Variants in PAX5 observed in about 807,000 individuals in gnomAD.
The protein encoded by PAX5 is paired box protein Pax-5.
PAX5 carries 9 observed loss-of-function variants against 43.7 expected under a neutral mutation model. That is an observed-to-expected ratio of 0.21 (90% CI 0.12 to 0.36). PAX5 has a LOEUF of 0.36. Ranked by LOEUF, PAX5 falls within the 10% of genes least tolerant of loss-of-function variation. The probability of loss-of-function intolerance (pLI) is 1.00; values close to 1 mark genes in which losing one functional copy is unlikely to be tolerated. For synonymous variants in PAX5, 228 were observed against 214.3 expected (o/e 1.06, Z -0.56); for missense variants, 383 against 532.7 (o/e 0.72, Z 2.77).
intron 6 of PAX5, among the ~76,000 whole-genome samples, chr9:36,944,849 A>G (rs1438425046): frequency 6.6e-6 from 1 of 152,240 alleles, no homozygotes; most frequent in East Asian, 1.9e-4. Flanking sequence ...CATAAATTAA[A>G]TGTTCTCCAA....
At position 37,015,289 on chromosome 9, in the gene PAX5, G is replaced by T; in HGVS notation, c.213-95C>A. The stretch of plus-strand genomic sequence containing the variant: ...GGCTACTCTGGCCAGGAAACGTCCG[G>T]ATCTGCACGTTCCAATACAGTAGCC... On this transcript the variant is annotated intron_variant, in intron 2 of 9. Transcript: ENST00000358127. The surrounding 1 kb of genome is among the most constrained non-coding windows in gnomAD (Gnocchi z 4.4). The T allele has an allele frequency of 9.4e-7, 1 of 1,066,996 alleles. No individual in the cohort carries two copies. Among genetic ancestry groups the T allele is most frequent in the Non-Finnish European group, 1.4e-6 (1 of 701,832 alleles). The allele number at this position is 1,066,996 out of a possible 1,614,324, so 66.1% of individuals were successfully genotyped here.
At chr9:36,890,946 C>T (rs1325890687) in intron 7 of PAX5, among the ~76,000 whole-genome samples, 1 of 152,168 alleles carries the variant, frequency 6.6e-6, no homozygotes, top group Non-Finnish European at 1.5e-5. Context: ...TGAGACCAGC[C>T]TGTACAACAT....
chr9:36,981,546 C>T (rs984370008), intron 5 of PAX5, among the ~76,000 whole-genome samples: 3 of 152,096 alleles, frequency 2.0e-5, no homozygotes, highest in Non-Finnish European at 4.4e-5. Flanking sequence ...CTGATGCTCC[C>T]CTTCCATGCC....
intron 5 of PAX5, among the ~76,000 whole-genome samples, chr9:36,986,766 G>T (rs1176084222): frequency 6.6e-6 from 1 of 152,178 alleles, no homozygotes; most frequent in Admixed American, 6.5e-5. Context: ...CCTCTCTGCC[G>T]AGCTGTATTC....
At chr9:36,862,164 CT>C (rs947061227) in intron 8 of PAX5, among the ~76,000 whole-genome samples, 13 of 152,100 alleles carry the variant, frequency 8.5e-5, no homozygotes, top group African/African-American at 2.9e-4. Context: ...CTCGCTAAGC[CT>C]GTCACAAAAG....
At chr9:36,989,648 C>T (rs1836760005) in intron 5 of PAX5, among the ~76,000 whole-genome samples, 1 of 152,172 alleles carries the variant, frequency 6.6e-6, no homozygotes, top group Non-Finnish European at 1.5e-5. Context: ...TGCATGTGTG[C>T]ATGTAGATCA....
At chr9:36,965,457 G>A (rs532327432) in intron 6 of PAX5, among the ~76,000 whole-genome samples, 3 of 152,344 alleles carry the variant, frequency 2.0e-5, no homozygotes, top group African/African-American at 7.2e-5. Context: ...TAGAAGGTCT[G>A]TAAGAGCTCT....
At chr9:37,004,316 C>G (rs952099230) in intron 4 of PAX5, among the ~76,000 whole-genome samples, 1 of 152,252 alleles carries the variant, frequency 6.6e-6, no homozygotes, top group African/African-American at 2.4e-5. Context: ...TCCAGCTGTA[C>G]AGCTGAATTG....
chr9:36,872,668 T>C (rs989597099), intron 8 of PAX5, among the ~76,000 whole-genome samples: 4 of 152,182 alleles, frequency 2.6e-5, no homozygotes, highest in Non-Finnish European at 5.9e-5. Flanking sequence ...TACATGTGTG[T>C]ATCAGTTTCT....
intron 5 of PAX5, among the ~76,000 whole-genome samples, chr9:36,970,805 C>G (rs944929766): frequency 1.3e-5 from 2 of 152,178 alleles, no homozygotes; most frequent in Non-Finnish European, 2.9e-5. Flanking sequence ...AGCTGGTCCT[C>G]CAGCTCCCAT....
rs550204727 is a variant in PAX5 at position 36,840,731 on chromosome 9, G to A, written c.1100-95C>T. On this transcript the variant is annotated intron_variant, in intron 9 of 9. Transcript: ENST00000358127. The stretch of plus-strand genomic sequence containing the variant: ...GTCCTTTCCTCCCCTCACTCAGTCC[G>A]GGCCACCATCCTCTCTCACCAAGAT... 41 of 741,734 alleles carry A rather than the reference G, an allele frequency of 5.5e-5. No homozygotes were observed. The Middle Eastern group carries it at 9.5e-4, about 17-fold the overall frequency. The allele number at this position is 741,734 out of a possible 1,614,324, so 45.9% of individuals were successfully genotyped here. A position where few individuals can be genotyped will look rare whatever the true frequency, so the allele number is the denominator to read the frequency against.
chr9:37,000,424 G>A (rs1393843367), intron 5 of PAX5, among the ~76,000 whole-genome samples: 1 of 152,108 alleles, frequency 6.6e-6, no homozygotes, highest in African/African-American at 2.4e-5. Context: ...TGAGGATCAG[G>A]ACTCTACCAT....
chr9:36,921,540 G>A (rs1353283074), intron 7 of PAX5, among the ~76,000 whole-genome samples: 2 of 152,164 alleles, frequency 1.3e-5, no homozygotes, highest in African/African-American at 2.4e-5. Context: ...CCACTCAACT[G>A]CCCCAAGCCT....
chr9:36,890,533 CTCTGGGCCTTGGTT>C lies in PAX5; in HGVS notation c.911-8442_911-8429del, dbSNP rs542132099. On this transcript the variant is annotated intron_variant, in intron 7 of 9. Coordinates refer to ENST00000358127, the MANE Select transcript of PAX5 (RefSeq NM_016734.3). ...TGACCTCAGGTAAACTTCACCCCCTCTCTGGGCCTTGGTTTCTGGGCCTTGGTTATCTGAATACT... is the reference window on the plus strand; with the variant it reads ...TGACCTCAGGTAAACTTCACCCCCTCTCTGGGCCTTGGTTATCTGAATACT... 1.3e-4 allele frequency among the ~76,000 whole-genome samples: 20 copies of C among 152,328 alleles called. No homozygotes were observed. In the South Asian group the frequency reaches 4.1e-3, roughly 32 times the overall value.
At chr9:36,996,783 G>C (rs1588175921) in intron 5 of PAX5, among the ~76,000 whole-genome samples, 2 of 152,214 alleles carry the variant, frequency 1.3e-5, no homozygotes, top group African/African-American at 4.8e-5. Flanking sequence ...GGCTGAGGGG[G>C]CGTCCAGCCT....
chr9:36,907,250 T>C (rs1335994179), intron 7 of PAX5, among the ~76,000 whole-genome samples: 2 of 152,244 alleles, frequency 1.3e-5, no homozygotes, highest in African/African-American at 2.4e-5. Flanking sequence ...ATGCTTATTA[T>C]TAAACATTAG....
At chr9:36,858,060 G>A (rs1007842029) in intron 8 of PAX5, among the ~76,000 whole-genome samples, 1 of 152,242 alleles carries the variant, frequency 6.6e-6, no homozygotes, top group African/African-American at 2.4e-5. Flanking sequence ...GGGCAGCCTC[G>A]AAGAAGTCTC....
chr9:36,898,460 CG>C (rs889452756), intron 7 of PAX5, among the ~76,000 whole-genome samples: 3 of 152,120 alleles, frequency 2.0e-5, no homozygotes, highest in Non-Finnish European at 4.4e-5. Context: ...CTCTGGTCTC[CG>C]GGCCCCAGAA....
intron 6 of PAX5, among the ~76,000 whole-genome samples, chr9:36,951,389 G>C (rs1344010583): frequency 6.6e-6 from 1 of 152,082 alleles, no homozygotes; most frequent in African/African-American, 2.4e-5. Flanking sequence ...TAAATATTTA[G>C]AGACTCTGTT....
Sources: gnomAD v4.1 joint callset for allele counts (sites outside exome capture counted in the v4.1 genomes callset) on GRCh38, gnomAD v4.1.1 for gene constraint, Gnocchi (gnomAD v3.1) non-coding constraint, MANE v1.5 for transcripts, NCBI Gene and HGNC (gene_info 2026-07-23, HGNC 2026-07-21) for gene names.